MICAL2: variants seen among roughly 807,000 people sequenced by gnomAD.
MICAL2 encodes the protein [F-actin]-monooxygenase MICAL2.
MICAL2 carries 77 observed loss-of-function variants against 127.3 expected under a neutral mutation model. The ratio of observed to expected loss-of-function variants is 0.60; its 90% CI spans 0.50 to 0.73. The LOEUF (loss-of-function observed/expected upper bound fraction) is 0.73. Among genes scored for constraint, MICAL2 ranks in the 30% least tolerant of loss-of-function variants. The pLI is 0.00. For missense variants in MICAL2, 1,351 were observed against 1,434.4 expected (o/e 0.94, Z 0.94); for synonymous variants, 570 against 551.1 (o/e 1.03, Z -0.48).
At chr11:12,241,670 A>G (rs1390058450) in intron 18 of MICAL2, among the ~76,000 whole-genome samples, 2 of 152,198 alleles carry the variant, frequency 1.3e-5, no homozygotes, top group South Asian at 2.1e-4. Flanking sequence ...TATGGCAGGT[A>G]GTGCTCCTGA....
intron 3 of MICAL2, among the ~76,000 whole-genome samples, chr11:12,173,112 G>A (rs182639038): frequency 2.0e-5 from 3 of 152,196 alleles, no homozygotes; most frequent in African/African-American, 7.2e-5. Context: ...AAGATAAACC[G>A]AGTCTATTAT....
At chr11:12,158,084 C>A (rs1299759630) in intron 2 of MICAL2, among the ~76,000 whole-genome samples, 1 of 151,834 alleles carries the variant, frequency 6.6e-6, no homozygotes, top group Non-Finnish European at 1.5e-5. Flanking sequence ...AAATTTGAAG[C>A]TTTTTGAGTG....
downstream of MICAL2, among the ~76,000 whole-genome samples, chr11:12,361,413 A>AT (rs1214959260): frequency 1.3e-5 from 2 of 152,236 alleles, no homozygotes; most frequent in Non-Finnish European, 2.9e-5. Flanking sequence ...AATAGGTACC[A>AT]TCCCCAAATA....
downstream of MICAL2, among the ~76,000 whole-genome samples, chr11:12,295,441 C>CTTTTTTT (rs373402403): frequency 2.4e-5 from 3 of 126,376 alleles, no homozygotes; most frequent in Non-Finnish European, 3.3e-5. Context: ...TGCTCAGCCT[C>CTTTTTTT]TTTTTTTTTT....
rs1378100326 is a variant in MICAL2, at chr11:12,220,265, A to T, written c.1013A>T (p.Tyr338Phe). Reference protein sequence around the residue: ...ENVNQDNLLSYAREAADFATN... With the variant: ...ENVNQDNLLSFAREAADFATN... ...GTGAACCAAGACAACCTGCTATCCT[A>T]TGCCCGGGAAGCTGCAGACTTTGCC... is the stretch of plus-strand genomic sequence containing the variant. Residue 338 changes from tyrosine to phenylalanine, a missense_variant, in exon 9 of 28, where the codon TAT becomes TTT. By Grantham distance (22) the Tyr-to-Phe change is conservative. Coordinates refer to ENST00000683283, the MANE Select transcript of MICAL2 (RefSeq NM_001282663.2). 2 of 1,614,038 alleles carry T rather than the reference A, an allele frequency of 1.2e-6. No homozygotes were observed. Among genetic ancestry groups the T allele is most frequent in the East Asian group, 4.5e-5 (2 of 44,894 alleles).
At chr11:12,341,670 T>C (rs2134882048) in intron 32 of MICAL2, among the ~76,000 whole-genome samples, 1 of 151,698 alleles carries the variant, frequency 6.6e-6, no homozygotes, top group South Asian at 2.1e-4. Context: ...CTACGAAAAA[T>C]ATAAAAATTA....
intron 3 of MICAL2, among the ~76,000 whole-genome samples, chr11:12,182,411 G>A (rs1411259054): frequency 6.6e-6 from 1 of 152,120 alleles, no homozygotes. Flanking sequence ...TTTTGTGACT[G>A]GGGGCCAATT....
At chr11:12,131,787 G>A (rs986895028) in intron 1 of MICAL2, among the ~76,000 whole-genome samples, 14 of 152,108 alleles carry the variant, frequency 9.2e-5, no homozygotes, top group African/African-American at 3.4e-4. Flanking sequence ...TTGGGTAAGT[G>A]TTTTCATTTC....
upstream of MICAL2, among the ~76,000 whole-genome samples, chr11:12,273,248 G>A (rs750412547): frequency 3.5e-4 from 53 of 152,198 alleles, no homozygotes; most frequent in Admixed American, 1.7e-3. Context: ...TTTTCTGAGA[G>A]GATCGGGTGA....
At chr11:12,250,061 A>G (rs990515436) in intron 22 of MICAL2, 3 of 152,178 alleles carry the variant, frequency 2.0e-5, no homozygotes, top group Non-Finnish European at 4.4e-5. Context: ...AGGTCTAGCC[A>G]TCGTCTGCAG....
At chr11:12,348,634 A>T (rs1938995506) in intron 32 of MICAL2, among the ~76,000 whole-genome samples, 1 of 152,160 alleles carries the variant, frequency 6.6e-6, no homozygotes, top group Non-Finnish European at 1.5e-5. Flanking sequence ...TAGGCATATT[A>T]TTTATCTTAG....
intron 27 of MICAL2, chr11:12,262,897 C>G (rs557010363): frequency 4.6e-4 from 95 of 204,872 alleles, no homozygotes; most frequent in African/African-American, 2.1e-3. Flanking sequence ...GGGCCTCTGT[C>G]ACCTTTGAAA....
downstream of MICAL2, chr11:12,294,463 C>T (rs147786207): frequency 2.0e-3 from 3,184 of 1,614,228 alleles, 7 homozygotes; most frequent in Admixed American, 3.3e-3. Flanking sequence ...CTGCCCTCCG[C>T]ACCCACAGTT....
At chr11:12,345,065 T>C (rs959918800) in intron 32 of MICAL2, among the ~76,000 whole-genome samples, 29 of 150,508 alleles carry the variant, frequency 1.9e-4, no homozygotes, top group African/African-American at 6.7e-4. Flanking sequence ...TGAGCCGAGA[T>C]TGCGCCACTG....
intron 32 of MICAL2, among the ~76,000 whole-genome samples, chr11:12,335,111 C>A (rs1683621041): frequency 6.8e-6 from 1 of 147,198 alleles, no homozygotes; most frequent in African/African-American, 2.6e-5. Context: ...CTCTCCAGCA[C>A]CTGTTTTTTC....
intron 3 of MICAL2, among the ~76,000 whole-genome samples, chr11:12,176,053 T>G (rs1233392420): frequency 1.3e-5 from 2 of 152,132 alleles, no homozygotes; most frequent in Non-Finnish European, 2.9e-5. Flanking sequence ...AAAGGAAGAC[T>G]AGGGTCTCTC....
intron 9 of MICAL2, 84 bp from the exon 10 acceptor site, chr11:12,221,560 G>A: frequency 4.2e-6 from 4 of 953,974 alleles, no homozygotes; most frequent in Non-Finnish European, 6.6e-6. Context: ...CACAGTCCTG[G>A]CAATCAGTGT....
chr11:12,303,816 T>A (rs1335581523), intron 29 of MICAL2: 1 of 152,208 alleles, frequency 6.6e-6, no homozygotes, highest in Admixed American at 6.5e-5. Flanking sequence ...GGAAGAGGAT[T>A]GCTTGAGTCC....
chr11:12,270,534 G>A (rs1301939752), intron 24 of MICAL2, among the ~76,000 whole-genome samples: 3 of 152,118 alleles, frequency 2.0e-5, no homozygotes, highest in Non-Finnish European at 2.9e-5. Flanking sequence ...AGGGACAGTG[G>A]CCTGCTGCTG....
Sources: allele counts gnomAD v4.1 joint callset (sites outside exome capture counted in the v4.1 genomes callset), GRCh38; gene constraint gnomAD v4.1.1; transcripts MANE v1.5; gene names NCBI Gene and HGNC (gene_info 2026-07-23, HGNC 2026-07-21).